The following CSF1R variants were observed in gnomAD, a reference collection of about 807,000 sequenced individuals.
CSF1R encodes the protein colony stimulating factor 1 receptor, also known as macrophage colony-stimulating factor 1 receptor.
In CSF1R, 40 loss-of-function variants were observed where a neutral mutation model predicts 110.0. That is an observed-to-expected ratio of 0.36 (90% CI 0.28 to 0.47). The LOEUF is 0.47. Ranked by LOEUF, CSF1R falls within the 20% of genes least tolerant of loss-of-function variation. The pLI is 0.99. For synonymous variants in CSF1R, 523 were observed against 503.4 expected (o/e 1.04, Z -0.52); for missense variants, 1,052 against 1,253.0 (o/e 0.84, Z 2.42).
intron 1 of CSF1R, among the ~76,000 whole-genome samples, chr5:150,102,910 T>A (rs1360831144): frequency 6.6e-6 from 1 of 152,280 alleles, no homozygotes; most frequent in African/African-American, 2.4e-5. Context: ...AAGTTTTTAC[T>A]GTGTGTAGTC....
chr5:150,054,516 C>T, intron 19 of CSF1R, 86 bp from the exon 20 acceptor site: 2 of 1,093,184 alleles, frequency 1.8e-6, no homozygotes, highest in Admixed American at 2.6e-5. Flanking sequence ...ACCTACCCAG[C>T]AGAGGTCCCC....
chr5:150,109,058 G>GCCCCC (rs60014782), intron 1 of CSF1R, among the ~76,000 whole-genome samples: 137 of 119,596 alleles, frequency 1.1e-3, no homozygotes, highest in African/African-American at 2.1e-3. Context: ...GGAGAAGCCC[G>GCCCCC]CCCCCCCCCC....
At chr5:150,109,530 C>T (rs1031168154) in intron 1 of CSF1R, among the ~76,000 whole-genome samples, 4 of 152,176 alleles carry the variant, frequency 2.6e-5, no homozygotes, top group South Asian at 2.1e-4. Flanking sequence ...TTCAGCTTGG[C>T]GCATTTCTGT....
At chr5:150,102,798 C>T (rs1759446645) in intron 1 of CSF1R, among the ~76,000 whole-genome samples, 2 of 152,202 alleles carry the variant, frequency 1.3e-5, no homozygotes, top group Non-Finnish European at 2.9e-5. Context: ...TATTCGTTAT[C>T]TGTATTATGT....
rs970123548 is a variant in CSF1R, at chr5:150,055,181, C to A, written c.2654+56G>T. The A allele has an allele frequency of 4.0e-6, 6 of 1,498,816 alleles. No homozygotes were observed. In the African/African-American group the frequency reaches 8.3e-5, roughly 21 times the overall value. The allele number at this position is 1,498,816 out of a possible 1,614,324, so 92.8% of individuals were successfully genotyped here. On this transcript the variant is annotated intron_variant, in intron 19 of 20. Transcript: ENST00000675795. Reference sequence around the variant, plus strand: ...GATCAGGGCCACACGGCCTTCCATCCCTTTCCAGCGAAAGCCTGGGGTGTC... The same window carrying A: ...GATCAGGGCCACACGGCCTTCCATCACTTTCCAGCGAAAGCCTGGGGTGTC...
chr5:150,093,270 G>A (rs1448913463), intron 1 of CSF1R, among the ~76,000 whole-genome samples: 2 of 152,086 alleles, frequency 1.3e-5, no homozygotes, highest in South Asian at 4.1e-4. Context: ...GTAGAGACAG[G>A]GTTTCACCAT....
In CSF1R at chr5:150,054,842, T is replaced by C. The variant is rs150559180; in HGVS notation, c.2654+395A>G. ...TCTCTACTAAAAAATTTTTTAAAAA[T>C]AGCTGGGCTTGGTGGTGCACACCTG... On this transcript the variant is annotated intron_variant, in intron 19 of 20. Transcript: ENST00000675795. The C allele has an allele frequency of 6.5e-4, 150 of 229,704 alleles. 1 individual carries two copies. The highest frequency in any genetic ancestry group is 3.2e-3 in the African/African-American group (139 of 43,350). 14.2% of individuals were successfully genotyped at this position (229,704 alleles called of 1,614,324 possible). A position where few individuals can be genotyped will look rare whatever the true frequency, so the allele number is the denominator to read the frequency against.
In CSF1R at chr5:150,070,695, G is replaced by A. The variant is rs41471445; in HGVS notation, c.1083-124C>T. 5,522 of 632,576 alleles carry A rather than the reference G, an allele frequency of 8.7e-3. 282 individuals are homozygous for A. The African/African-American group carries it at 0.096, about 11-fold the overall frequency. The allele number at this position is 632,576 out of a possible 1,614,324, so 39.2% of individuals were successfully genotyped here. A position where few individuals can be genotyped will look rare whatever the true frequency, so the allele number is the denominator to read the frequency against. On this transcript the variant is annotated intron_variant, in intron 6 of 20. Transcript: ENST00000675795. ...TTTGGTAAAATATTCAGGGCCCAAC[G>A]GCCTTGGGTAAGCCAGATACTCAGA...
In CSF1R at chr5:150,080,323, G is replaced by C; in HGVS notation, c.321C>G (p.Pro107=). The C allele has an allele frequency of 1.2e-6, 2 of 1,613,322 alleles. No individual in the cohort carries two copies. The highest frequency in any genetic ancestry group is 2.7e-5 in the African/African-American group (2 of 75,048). ...CCACCTCCTGTGCTAGCACGTTCCAGGGCCGGGCAGGGTCTAGAGTAGAGG... is the reference window on the plus strand; with the variant it reads ...CCACCTCCTGTGCTAGCACGTTCCACGGCCGGGCAGGGTCTAGAGTAGAGG... ...IHLYVKDPAR[P]WNVLAQEVVV... The change falls in exon 3 of 21, where the codon CCC becomes CCG. Residue 107 remains proline (P), a synonymous_variant. Transcript: ENST00000675795.
chr5:150,068,838 C>T (rs1371839738), intron 9 of CSF1R, among the ~76,000 whole-genome samples: 1 of 152,218 alleles, frequency 6.6e-6, no homozygotes, highest in African/African-American at 2.4e-5. Flanking sequence ...GTCTCCTCTT[C>T]CCAGAATCTA....
intron 18 of CSF1R, 60 bp from the exon 19 acceptor site, chr5:150,055,396 A>G: frequency 7.3e-7 from 1 of 1,378,402 alleles, no homozygotes; most frequent in Non-Finnish European, 1.0e-6. Flanking sequence ...ATTCCCGCAC[A>G]CCCACACACA....
intron 4 of CSF1R, 24 bp from the exon 5 acceptor site, chr5:150,077,459 G>A: frequency 6.2e-7 from 1 of 1,603,548 alleles, no homozygotes; most frequent in Non-Finnish European, 8.5e-7. Context: ...GAATGGAGAT[G>A]TTATACCAAG....
intron 8 of CSF1R, 33 bp downstream of exon 8, chr5:150,070,149 C>T (rs201032146): frequency 1.3e-4 from 216 of 1,610,764 alleles, no homozygotes; most frequent in Non-Finnish European, 1.6e-4. Flanking sequence ...AGCCCCTGAG[C>T]CCAGGTGAGG....
At chr5:150,087,879 G>C (rs954901729), upstream of CSF1R, among the ~76,000 whole-genome samples, 2 of 151,956 alleles carry the variant, frequency 1.3e-5, no homozygotes, top group African/African-American at 4.8e-5. Flanking sequence ...GACTACAGGG[G>C]CATGTGCCAC....
chr5:150,078,940 G>C (rs890393952), intron 3 of CSF1R, among the ~76,000 whole-genome samples: 1 of 152,170 alleles, frequency 6.6e-6, no homozygotes, highest in Admixed American at 6.5e-5. Flanking sequence ...CATCACATTT[G>C]TATTTACTTT....
At position 150,059,762 on chromosome 5, in the gene CSF1R, G is replaced by C; in HGVS notation, c.2070C>G (p.Gly690=). ...EAMLGPSLSP[G]QDPEGGVDYK... ...AGTCGACGCCTCCCTCGGGGTCCTG[G>C]CCGGGGCTCAGGCTGGGTCCCAGCA... is the stretch of plus-strand genomic sequence containing the variant. The change falls in exon 14 of 21, where the codon GGC becomes GGG. Residue 690 remains glycine, a synonymous_variant. Transcript: ENST00000675795. 6.2e-7 allele frequency: 1 copy of C among 1,614,146 alleles called. No homozygotes were observed. The highest frequency in any genetic ancestry group is 8.5e-7 in the Non-Finnish European group (1 of 1,180,044).
intron 1 of CSF1R, among the ~76,000 whole-genome samples, chr5:150,083,449 G>A (rs574011025): frequency 2.6e-4 from 39 of 148,426 alleles, no homozygotes; most frequent in South Asian, 4.3e-4. Flanking sequence ...GGATCTCATC[G>A]CAGTAATGAA....
intron 10 of CSF1R, among the ~76,000 whole-genome samples, chr5:150,065,145 C>T (rs1757704021): frequency 1.3e-5 from 2 of 152,222 alleles, no homozygotes; most frequent in South Asian, 4.1e-4. Context: ...GACTTCTTCC[C>T]TTCCTCCCAT....
At chr5:150,078,757 C>T (rs1472351041) in intron 3 of CSF1R, among the ~76,000 whole-genome samples, 6 of 152,166 alleles carry the variant, frequency 3.9e-5, no homozygotes, top group African/African-American at 1.4e-4. Flanking sequence ...AGGGCCTTTG[C>T]ACCCACCTTT....
Sources: gnomAD v4.1 joint callset for allele counts (sites outside exome capture counted in the v4.1 genomes callset) on GRCh38, gnomAD v4.1.1 for gene constraint, MANE v1.5 for transcripts, NCBI Gene and HGNC (gene_info 2026-07-23, HGNC 2026-07-21) for gene names.